Variants in PDE3B observed in about 807,000 individuals in gnomAD.
The protein encoded by PDE3B is phosphodiesterase 3B, also known as cGMP-inhibited 3',5'-cyclic phosphodiesterase 3B.
PDE3B carries 66 observed loss-of-function variants against 116.8 expected under a neutral mutation model. The ratio of observed to expected loss-of-function variants is 0.56; its 90% CI spans 0.46 to 0.69. The LOEUF (loss-of-function observed/expected upper bound fraction) is 0.69, where lower values mean the gene tolerates loss of function less well. Ranked by LOEUF, PDE3B falls within the 30% of genes least tolerant of loss-of-function variation. The pLI is 0.00. For synonymous variants in PDE3B, 595 were observed against 533.6 expected, an observed-to-expected ratio of 1.12 and a Z score of -1.59; for missense variants, 1,384 against 1,368.1, an observed-to-expected ratio of 1.01 and a Z score of -0.18.
chr11:14,795,784 TTTG>T (rs1858533574), intron 4 of PDE3B, among the ~76,000 whole-genome samples: 2 of 152,094 alleles, frequency 1.3e-5, no homozygotes, highest in African/African-American at 2.4e-5. Context: ...TTAGAGTGTG[TTTG>T]TATGCTGTGA....
chr11:14,849,614 C>A (rs530579024), intron 12 of PDE3B, among the ~76,000 whole-genome samples: 2 of 152,270 alleles, frequency 1.3e-5, no homozygotes, highest in Admixed American at 1.3e-4. Flanking sequence ...TATCCAGAAT[C>A]TACAATGAAC....
At chr11:14,687,719 T>C (rs556851541) in intron 1 of PDE3B, among the ~76,000 whole-genome samples, 4 of 152,286 alleles carry the variant, frequency 2.6e-5, no homozygotes, top group African/African-American at 9.6e-5. Context: ...CCACTGTTTT[T>C]GTTTTAGTTG....
chr11:14,879,519 A>C, the PDE3B span: 1 of 1,232,240 alleles, frequency 8.1e-7, no homozygotes, highest in Admixed American at 2.0e-5. Flanking sequence ...CTGGAATAAA[A>C]TAAAGGATAA....
At chr11:14,761,099 A>G (rs1001481040) in intron 1 of PDE3B, among the ~76,000 whole-genome samples, 2 of 152,162 alleles carry the variant, frequency 1.3e-5, no homozygotes, top group African/African-American at 4.8e-5. Flanking sequence ...GTAAAACACT[A>G]GACTTGTGTA....
intron 1 of PDE3B, chr11:14,674,018 G>T (rs1590052287): frequency 1.4e-6 from 2 of 1,446,270 alleles, no homozygotes; most frequent in East Asian, 2.3e-5. Context: ...TAAAAGAGCT[G>T]TTTTCGTCTG....
chr11:14,711,163 C>T lies in PDE3B; in HGVS notation c.979-60774C>T, dbSNP rs560344293. On this transcript the variant is annotated intron_variant, in intron 1 of 15. Transcript: ENST00000282096. ...TAGATGTACAAAGAAAATTTGCAGT[C>T]TTAATTTTAATTAGAAACCATTTAC... Among the ~76,000 whole-genome samples the T allele has an allele frequency of 4.6e-4, 70 of 152,194 alleles. 3 individuals are homozygous for T. In the South Asian group the frequency reaches 0.013, roughly 28 times the overall value.
At chr11:14,667,083 A>T (rs1590045795) in intron 1 of PDE3B, among the ~76,000 whole-genome samples, 1 of 152,230 alleles carries the variant, frequency 6.6e-6, no homozygotes, top group Non-Finnish European at 1.5e-5. Flanking sequence ...GCACATATAC[A>T]CCATGGAATA....
chr11:14,658,442 C>T (rs1853782499), intron 1 of PDE3B, among the ~76,000 whole-genome samples: 4 of 152,082 alleles, frequency 2.6e-5, no homozygotes, highest in South Asian at 2.1e-4. Context: ...CTGCAACCTC[C>T]GTCTCCTGGG....
At chr11:14,746,595 A>T (rs1856917000) in intron 1 of PDE3B, among the ~76,000 whole-genome samples, 1 of 152,160 alleles carries the variant, frequency 6.6e-6, no homozygotes, top group Admixed American at 6.5e-5. Flanking sequence ...GAGGATATAA[A>T]CTTACCTAAA....
chr11:14,809,892 AT>A lies in PDE3B; in HGVS notation c.1522+5854del, dbSNP rs71044025. ...GTTTACAAATTGCCCAGACTAAAGTATTTTTTTTTTTTAGGTGGTATAGATG... is the reference window on the plus strand; with the variant it reads ...GTTTACAAATTGCCCAGACTAAAGTATTTTTTTTTTTAGGTGGTATAGATG... On this transcript the variant is annotated intron_variant, in intron 5 of 15. Coordinates refer to ENST00000282096, the MANE Select transcript of PDE3B (RefSeq NM_000922.4). 4.7e-3 allele frequency among the ~76,000 whole-genome samples: 693 copies of A among 148,342 alleles called. 4 individuals are homozygous for A. Among genetic ancestry groups the A allele is most frequent in the African/African-American group, 0.012 (470 of 40,508 alleles).
At chr11:14,674,104 A>C (rs1854458384) in intron 1 of PDE3B, 13 of 1,525,580 alleles carry the variant, frequency 8.5e-6, no homozygotes, top group Admixed American at 6.7e-5. Flanking sequence ...AACTCTGTTC[A>C]TGAATGTTTC....
chr11:14,814,805 C>CA (rs1330306891), intron 5 of PDE3B, among the ~76,000 whole-genome samples: 1 of 151,886 alleles, frequency 6.6e-6, no homozygotes, highest in African/African-American at 2.4e-5. Flanking sequence ...ACTAAAAACA[C>CA]AAAAAAATTA....
intron 1 of PDE3B, among the ~76,000 whole-genome samples, chr11:14,724,715 A>G (rs896365573): frequency 2.0e-5 from 3 of 152,198 alleles, no homozygotes; most frequent in Admixed American, 6.5e-5. Flanking sequence ...GGGCAAATAT[A>G]TGGTAATTGA....
intron 1 of PDE3B, among the ~76,000 whole-genome samples, chr11:14,662,103 G>A (rs867174191): frequency 5.9e-5 from 9 of 152,228 alleles, no homozygotes; most frequent in African/African-American, 2.2e-4. Context: ...ACTCCTCTGA[G>A]ACAAAACTTC....
chr11:14,800,249 G>A (rs748041551), intron 4 of PDE3B, among the ~76,000 whole-genome samples: 7 of 151,992 alleles, frequency 4.6e-5, no homozygotes, highest in African/African-American at 1.2e-4. Context: ...GGCGGATCAC[G>A]AGGTCAGGAG....
chr11:14,859,370 T>C (rs1375136482), intron 13 of PDE3B, 124 bp downstream of exon 13: 4 of 582,074 alleles, frequency 6.9e-6, no homozygotes, highest in African/African-American at 5.6e-5. Flanking sequence ...ATAGTTGATA[T>C]AAAATAATAT....
rs545897807 is a variant in PDE3B, at chr11:14,778,154, A to C, written c.1029+6167A>C. Among the ~76,000 whole-genome samples the C allele has an allele frequency of 5.3e-5, 8 of 152,260 alleles. No homozygotes were observed. The South Asian group carries it at 1.7e-3, about 32-fold the overall frequency. On this transcript the variant is annotated intron_variant, in intron 2 of 15. Coordinates refer to ENST00000282096, the MANE Select transcript of PDE3B (RefSeq NM_000922.4). ...CCATTGCTGAGGCTTGAGTAGGTAA[A>C]CAAAGCAGCCCTGAAGCTCAAAATG...
chr11:14,689,152 T>A (rs1268099426), intron 1 of PDE3B, among the ~76,000 whole-genome samples: 3 of 152,236 alleles, frequency 2.0e-5, no homozygotes, highest in Non-Finnish European at 4.4e-5. Context: ...TATGATTTCA[T>A]TGTGCTTTAG....
rs577525291 is a variant in PDE3B, at chr11:14,652,696, C to T, written c.978+7643C>T. Among the ~76,000 whole-genome samples, 54 of 152,258 alleles carry T rather than the reference C, an allele frequency of 3.5e-4. No individual in the cohort carries two copies. In the South Asian group the frequency reaches 9.9e-3, roughly 28 times the overall value. On this transcript the variant is annotated intron_variant, in intron 1 of 15. Transcript: ENST00000282096. ...ACTCATTAAATAACAACTACCCTTC[C>T]GCTGTCCCCTGATAATCACCGTTTG...
Sources: allele counts gnomAD v4.1 joint callset (sites outside exome capture counted in the v4.1 genomes callset), GRCh38; gene constraint gnomAD v4.1.1; transcripts MANE v1.5; gene names NCBI Gene and HGNC (gene_info 2026-07-23, HGNC 2026-07-21).